Variants in KATNBL1 observed in about 807,000 individuals in gnomAD.
KATNBL1 encodes the protein KATNB1-like protein 1.
In KATNBL1, 28 loss-of-function variants were observed where a neutral mutation model predicts 44.7. The observed-to-expected ratio is 0.63, with a 90% confidence interval of 0.46 to 0.86. KATNBL1 has a LOEUF of 0.86. KATNBL1 is among the 40% of genes least tolerant of loss of function. The pLI, the probability that KATNBL1 is intolerant of heterozygous loss-of-function variation, is 0.00. For missense variants in KATNBL1, 272 were observed against 350.7 expected, an observed-to-expected ratio of 0.78 and a Z score of 1.79; for synonymous variants, 78 against 114.9, an observed-to-expected ratio of 0.68 and a Z score of 2.06.
chr15:34,201,550 A>T (rs1232931710), intron 1 of KATNBL1, among the ~76,000 whole-genome samples: 1 of 152,212 alleles, frequency 6.6e-6, no homozygotes, highest in African/African-American at 2.4e-5. Context: ...ATTTTCTTAA[A>T]TGGCTATAAA....
chr15:34,165,578 C>A (rs912008065), intron 1 of KATNBL1, among the ~76,000 whole-genome samples: 8 of 152,114 alleles, frequency 5.3e-5, no homozygotes, highest in Non-Finnish European at 1.2e-4. Context: ...AGGCGGATCA[C>A]CTGAGGTCAG....
rs1888584139 is a variant in KATNBL1 at position 34,154,694 on chromosome 15, G to GA, written c.118-11dup. ...TTGGAGATTTCTTAACCTGAAAAAT[G>GA]AAAGTAGATAGTTGATGTTAGAAAC... On this transcript the variant is annotated splice_polypyrimidine_tract_variant and intron_variant, in intron 2 of 9. Coordinates refer to ENST00000256544, the MANE Select transcript of KATNBL1 (RefSeq NM_024713.3). The GA allele has an allele frequency of 1.9e-6, 3 of 1,548,730 alleles. No individual in the cohort carries two copies. In the African/African-American group the frequency reaches 4.1e-5, roughly 21 times the overall value.
chr15:34,184,667 G>C (rs1433588880), intron 1 of KATNBL1, among the ~76,000 whole-genome samples: 1 of 137,938 alleles, frequency 7.2e-6, no homozygotes, highest in Non-Finnish European at 1.5e-5. Context: ...CCGCCTCCTG[G>C]GTTCACGCCA....
intron 1 of KATNBL1, among the ~76,000 whole-genome samples, chr15:34,204,944 G>A (rs1890254363): frequency 6.6e-6 from 1 of 151,272 alleles, no homozygotes; most frequent in Non-Finnish European, 1.5e-5. Flanking sequence ...TATTCTTGAC[G>A]ATTATTTATA....
intron 1 of KATNBL1, among the ~76,000 whole-genome samples, chr15:34,200,773 G>A (rs1156935867): frequency 6.6e-6 from 1 of 152,094 alleles, no homozygotes; most frequent in Non-Finnish European, 1.5e-5. Context: ...GAGATGCCAA[G>A]TGGGAATTAG....
chr15:34,146,634 C>T (rs1888319028), intron 8 of KATNBL1, 127 bp downstream of exon 8: 1 of 625,534 alleles, frequency 1.6e-6, no homozygotes, highest in Admixed American at 2.7e-5. Flanking sequence ...AAGTTAGTAT[C>T]TCTCTGAATA....
intron 3 of KATNBL1, among the ~76,000 whole-genome samples, chr15:34,154,382 A>C (rs1408401963): frequency 6.6e-6 from 1 of 152,188 alleles, no homozygotes; most frequent in Non-Finnish European, 1.5e-5. Flanking sequence ...GATTCTGAAC[A>C]AATCATTTAA....
chr15:34,148,458 T>A, intron 5 of KATNBL1, 174 bp downstream of exon 5: 1 of 470,764 alleles, frequency 2.1e-6, no homozygotes, highest in East Asian at 3.9e-5. Flanking sequence ...TGTGGTGATG[T>A]GCACCTGTAC....
chr15:34,170,413 A>G (rs1220925745), intron 1 of KATNBL1, among the ~76,000 whole-genome samples: 1 of 152,226 alleles, frequency 6.6e-6, no homozygotes, highest in Non-Finnish European at 1.5e-5. Context: ...GAGAACTACA[A>G]ACCACTGCTC....
At chr15:34,151,714 A>C (rs1277588300) in intron 4 of KATNBL1, among the ~76,000 whole-genome samples, 1 of 151,922 alleles carries the variant, frequency 6.6e-6, no homozygotes, top group Non-Finnish European at 1.5e-5. Flanking sequence ...GTGTGCCACC[A>C]TGCCTAGCTA....
intron 1 of KATNBL1, among the ~76,000 whole-genome samples, chr15:34,181,797 C>CAT (rs1284802405): frequency 0.014 from 983 of 71,334 alleles, 114 homozygotes; most frequent in Middle Eastern, 0.025. Context: ...TATATATATC[C>CAT]ATATATATAC....
chr15:34,207,774 T>G (rs540310896), intron 1 of KATNBL1, among the ~76,000 whole-genome samples: 1 of 152,154 alleles, frequency 6.6e-6, no homozygotes, highest in Non-Finnish European at 1.5e-5. Flanking sequence ...CAAAATATTT[T>G]AAATTTTTTG....
chr15:34,178,381 T>C (rs1300579376), intron 1 of KATNBL1, among the ~76,000 whole-genome samples: 1 of 152,126 alleles, frequency 6.6e-6, no homozygotes, highest in Non-Finnish European at 1.5e-5. Flanking sequence ...AGGAGATTCA[T>C]GGGGCCTTAT....
chr15:34,201,045 G>C (rs141132836), intron 1 of KATNBL1, among the ~76,000 whole-genome samples: 160 of 152,192 alleles, frequency 1.1e-3, no homozygotes, highest in African/African-American at 3.6e-3. Flanking sequence ...TCGATCTCCT[G>C]ACCTCGTGAT....
intron 9 of KATNBL1, among the ~76,000 whole-genome samples, chr15:34,143,966 C>CAAAAAA (rs61591705): frequency 1.4e-4 from 9 of 66,366 alleles, no homozygotes; most frequent in East Asian, 5.5e-4. Context: ...GATTCCATCT[C>CAAAAAA]AAAAAAAAAA....
intron 1 of KATNBL1, among the ~76,000 whole-genome samples, chr15:34,200,139 C>T (rs1890140321): frequency 6.6e-6 from 1 of 152,182 alleles, no homozygotes; most frequent in African/African-American, 2.4e-5. Flanking sequence ...CAAGTCCCCA[C>T]CCAACCCAGA....
chr15:34,151,469 T>G (rs1888475187), intron 4 of KATNBL1, among the ~76,000 whole-genome samples: 2 of 80,258 alleles, frequency 2.5e-5, no homozygotes, highest in South Asian at 4.4e-4. Context: ...TTTTTTTTTT[T>G]GAGACAGAAT....
At chr15:34,185,395 T>C (rs1889690592) in intron 1 of KATNBL1, among the ~76,000 whole-genome samples, 1 of 152,232 alleles carries the variant, frequency 6.6e-6, no homozygotes, top group African/African-American at 2.4e-5. Context: ...AGGTAAGATA[T>C]GACTGGGCAC....
At chr15:34,152,748 G>C (rs1295581677) in intron 4 of KATNBL1, 42 bp downstream of exon 4, 6 of 1,488,380 alleles carry the variant, frequency 4.0e-6, no homozygotes, top group Non-Finnish European at 5.5e-6. Flanking sequence ...GATTATAACA[G>C]GAACAAAGTT....
Sources: gnomAD v4.1 joint callset for allele counts (sites outside exome capture counted in the v4.1 genomes callset) on GRCh38, gnomAD v4.1.1 for gene constraint, MANE v1.5 for transcripts, NCBI Gene and HGNC (gene_info 2026-07-23, HGNC 2026-07-21) for gene names.